UGT1A8: variants seen among roughly 807,000 people sequenced by gnomAD.
The protein encoded by UGT1A8 is UDP glucuronosyltransferase family 1 member A8.
In UGT1A8, 39 loss-of-function variants were observed where a neutral mutation model predicts 45.3. The observed-to-expected ratio is 0.86, with a 90% CI of 0.67 to 1.12. The LOEUF (loss-of-function observed/expected upper bound fraction) is 1.12. Ranked by LOEUF, UGT1A8 falls within the 50% of genes most tolerant of loss-of-function variation. The probability of loss-of-function intolerance (pLI) is 0.00; values close to 1 mark genes in which losing one functional copy is unlikely to be tolerated. For missense variants in UGT1A8, 719 were observed against 664.9 expected (o/e 1.08, Z -0.90); for synonymous variants, 275 against 249.2 (o/e 1.10, Z -0.97).
intron 1 of UGT1A8, chr2:233,691,389 G>A (rs1327522820): frequency 1.0e-6 from 1 of 985,432 alleles, no homozygotes. Flanking sequence ...TTCCCCATGG[G>A]GGCCAGCCCT....
At chr2:233,729,770 T>C in intron 1 of UGT1A8, 1 of 1,613,988 alleles carries the variant, frequency 6.2e-7, no homozygotes, top group South Asian at 1.1e-5. Flanking sequence ...AAGAACATGC[T>C]CTACCCTCTG....
intron 1 of UGT1A8, among the ~76,000 whole-genome samples, chr2:233,737,688 T>C (rs2078910745): frequency 6.6e-6 from 1 of 152,202 alleles, no homozygotes; most frequent in Non-Finnish European, 1.5e-5. Context: ...TGGCCATTGG[T>C]GCTGAAGCTT....
At chr2:233,697,826 A>G (rs2125573469) in intron 1 of UGT1A8, among the ~76,000 whole-genome samples, 1 of 152,286 alleles carries the variant, frequency 6.6e-6, no homozygotes, top group South Asian at 2.1e-4. Context: ...TTTCAAGAAA[A>G]TCTAATTAAG....
chr2:233,768,543 A>T, intron 4 of UGT1A8, 104 bp downstream of exon 4: 1 of 1,485,090 alleles, frequency 6.7e-7, no homozygotes, highest in Non-Finnish European at 8.9e-7. Context: ...TGTTTCAAAT[A>T]TAAAAACAAA....
At chr2:233,739,481 A>C (rs1429465625) in intron 1 of UGT1A8, among the ~76,000 whole-genome samples, 1 of 152,208 alleles carries the variant, frequency 6.6e-6, no homozygotes, top group Non-Finnish European at 1.5e-5. Flanking sequence ...GTGGGAGCCC[A>C]TTTCTGGCAT....
In UGT1A8 at chr2:233,662,634, T is replaced by C. The variant is rs28969999; in HGVS notation, c.855+44072T>C. Among the ~76,000 whole-genome samples the C allele has an allele frequency of 2.2e-3, 339 of 152,316 alleles. 1 individual carries two copies. The highest frequency in any genetic ancestry group is 7.8e-3 in the African/African-American group (325 of 41,568). ...ATATTTTAAATTTCTTTTTCTTGTT[T>C]GACTGCATTGAATAGAACAATGTTG... On this transcript the variant is annotated intron_variant, in intron 1 of 4. Coordinates refer to ENST00000373450, the MANE Select transcript of UGT1A8 (RefSeq NM_019076.5).
At chr2:233,741,320 T>C (rs968198595) in intron 1 of UGT1A8, among the ~76,000 whole-genome samples, 12 of 151,906 alleles carry the variant, frequency 7.9e-5, no homozygotes, top group African/African-American at 2.9e-4. Flanking sequence ...CAACTCATTC[T>C]ACTCTACCCA....
At chr2:233,697,548 GTTTA>G (rs1421129202) in intron 1 of UGT1A8, among the ~76,000 whole-genome samples, 1 of 142,316 alleles carries the variant, frequency 7.0e-6, no homozygotes, top group Non-Finnish European at 1.5e-5. Context: ...TCTTTGCATT[GTTTA>G]TTTAGCCTCA....
chr2:233,750,088 A>G (rs1694357041), intron 1 of UGT1A8, among the ~76,000 whole-genome samples: 1 of 151,928 alleles, frequency 6.6e-6, no homozygotes, highest in South Asian at 2.1e-4. Context: ...AGGTTGGAAC[A>G]GTTTGGAGAG....
chr2:233,751,060 C>T (rs1694630836), intron 1 of UGT1A8, among the ~76,000 whole-genome samples: 1 of 151,896 alleles, frequency 6.6e-6, no homozygotes, highest in South Asian at 2.1e-4. Flanking sequence ...GACACAGACA[C>T]TCAATGCCAG....
At chr2:233,622,379 C>T (rs181258552) in intron 1 of UGT1A8, among the ~76,000 whole-genome samples, 1 of 152,302 alleles carries the variant, frequency 6.6e-6, no homozygotes, top group East Asian at 1.9e-4. Flanking sequence ...TCTCCACATC[C>T]TCTCCAGCAT....
chr2:233,686,534 C>A (rs1418608941), intron 1 of UGT1A8, among the ~76,000 whole-genome samples: 1 of 152,098 alleles, frequency 6.6e-6, no homozygotes, highest in Non-Finnish European at 1.5e-5. Context: ...TAGAACCTAA[C>A]CTTTCCGTGG....
intron 1 of UGT1A8, among the ~76,000 whole-genome samples, chr2:233,763,457 A>G (rs1297743892): frequency 6.6e-6 from 1 of 152,174 alleles, no homozygotes; most frequent in African/African-American, 2.4e-5. Context: ...GCCTATTTGA[A>G]TCTAACAATT....
At chr2:233,663,967 G>T (rs1454427942) in intron 1 of UGT1A8, among the ~76,000 whole-genome samples, 1 of 152,104 alleles carries the variant, frequency 6.6e-6, no homozygotes, top group African/African-American at 2.4e-5. Flanking sequence ...TCTAAGTGTA[G>T]GTAGTTACAA....
In UGT1A8 at chr2:233,769,857, CAAAAA is replaced by C; in HGVS notation, c.1295+1431_1295+1435del. On this transcript the variant is annotated intron_variant, in intron 4 of 4. Coordinates refer to ENST00000373450, the MANE Select transcript of UGT1A8 (RefSeq NM_019076.5). This position sits in a 1 kb window ranked among gnomAD's most constrained non-coding sequence, Gnocchi z 4.4. ...TGGGCAACAGAGTGAGACCCTGTCT[CAAAAA>C]AAAAAAAAAAAATGAAAAGTCCACA... The C allele has an allele frequency of 3.2e-4, 71 of 223,570 alleles. No homozygotes were observed. Among genetic ancestry groups the C allele is most frequent in the South Asian group, 7.7e-4 (7 of 9,102 alleles). The allele number at this position is 223,570 out of a possible 1,614,324, so 13.8% of individuals were successfully genotyped here.
intron 1 of UGT1A8, among the ~76,000 whole-genome samples, chr2:233,712,016 C>T (rs527478948): frequency 2.0e-5 from 3 of 152,332 alleles, no homozygotes; most frequent in Admixed American, 1.3e-4. Context: ...CCATTCTTAT[C>T]AGAACTTGGT....
At chr2:233,714,671 C>T (rs1376382051) in intron 1 of UGT1A8, among the ~76,000 whole-genome samples, 2 of 152,144 alleles carry the variant, frequency 1.3e-5, no homozygotes, top group Non-Finnish European at 2.9e-5. Context: ...AGATGTATCC[C>T]AAATATTATC....
At chr2:233,734,382 A>G (rs189270285) in intron 1 of UGT1A8, among the ~76,000 whole-genome samples, 35 of 152,082 alleles carry the variant, frequency 2.3e-4, no homozygotes, top group Admixed American at 1.0e-3. Context: ...TGCCTTTACT[A>G]TTTTTTATTG....
intron 1 of UGT1A8, among the ~76,000 whole-genome samples, chr2:233,644,341 G>A (rs770083389): frequency 1.3e-5 from 2 of 152,178 alleles, no homozygotes; most frequent in Non-Finnish European, 2.9e-5. Flanking sequence ...GCTGAGGTGG[G>A]TGGATCACTT....
Sources: allele counts gnomAD v4.1 joint callset (sites outside exome capture counted in the v4.1 genomes callset), GRCh38; gene constraint gnomAD v4.1.1; non-coding constraint Gnocchi (gnomAD v3.1); transcripts MANE v1.5; gene names NCBI Gene and HGNC (gene_info 2026-07-23, HGNC 2026-07-21).